The following TMEM232 variants were observed in gnomAD, a reference collection of about 807,000 sequenced individuals.
TMEM232 encodes transmembrane protein 232.
In TMEM232, 80 loss-of-function variants were observed where a neutral mutation model predicts 78.8. That is an observed-to-expected ratio of 1.01 (90% CI 0.85 to 1.22). The LOEUF is 1.22. Ranked by LOEUF, TMEM232 falls within the 50% of genes most tolerant of loss-of-function variation. TMEM232 has a pLI of 0.00. For synonymous variants in TMEM232, 297 were observed against 254.3 expected (o/e 1.17, Z -1.60); for missense variants, 881 against 742.2 (o/e 1.19, Z -2.17).
intron 4 of TMEM232, among the ~76,000 whole-genome samples, chr5:110,638,595 T>C (rs897783583): frequency 1.8e-4 from 27 of 152,188 alleles, no homozygotes; most frequent in Admixed American, 1.3e-3. Context: ...AATGACACTA[T>C]GTGACTTCTA....
At chr5:110,672,703 T>C (rs1791521746) in intron 1 of TMEM232, among the ~76,000 whole-genome samples, 1 of 152,102 alleles carries the variant, frequency 6.6e-6, no homozygotes, top group South Asian at 2.1e-4. Flanking sequence ...ACATAGAGAA[T>C]CTGAAAATGT....
intron 11 of TMEM232, among the ~76,000 whole-genome samples, chr5:110,552,169 G>T (rs1259288086): frequency 1.3e-5 from 2 of 152,018 alleles, no homozygotes; most frequent in Non-Finnish European, 2.9e-5. Flanking sequence ...TAAAGTTCCA[G>T]AATTTTCAAG....
At chr5:110,607,569 C>T (rs534204034) in intron 8 of TMEM232, among the ~76,000 whole-genome samples, 3 of 151,996 alleles carry the variant, frequency 2.0e-5, no homozygotes, top group Non-Finnish European at 4.4e-5. Flanking sequence ...TATACATTTG[C>T]CCAAGGTCAT....
At chr5:110,734,364 C>A (rs929518203) in intron 2 of TMEM232, among the ~76,000 whole-genome samples, 4 of 152,296 alleles carry the variant, frequency 2.6e-5, no homozygotes, top group Non-Finnish European at 4.4e-5. Flanking sequence ...GGCAAGCCAA[C>A]TGAGCAAAGC....
chr5:110,467,366 G>A (rs780116286), intron 12 of TMEM232, among the ~76,000 whole-genome samples: 1 of 152,204 alleles, frequency 6.6e-6, no homozygotes, highest in Non-Finnish European at 1.5e-5. Flanking sequence ...AATTAGGAGA[G>A]ATGGTGGTGT....
At chr5:110,699,081 C>A (rs933972290) in intron 1 of TMEM232, among the ~76,000 whole-genome samples, 29 of 147,304 alleles carry the variant, frequency 2.0e-4, no homozygotes, top group Non-Finnish European at 3.8e-4. Context: ...AAAACAAAAA[C>A]AAACAAACAA....
At chr5:110,455,497 C>G (rs1212373267) in intron 12 of TMEM232, among the ~76,000 whole-genome samples, 1 of 151,964 alleles carries the variant, frequency 6.6e-6, no homozygotes, top group Admixed American at 6.6e-5. Flanking sequence ...CCTGCCTCAG[C>G]CTCCCGAGTA....
chr5:110,572,341 T>C (rs894911615), intron 10 of TMEM232, among the ~76,000 whole-genome samples: 7 of 152,010 alleles, frequency 4.6e-5, no homozygotes, highest in Non-Finnish European at 1.0e-4. Context: ...GAAGTCAATA[T>C]AAGTAAGGAA....
At chr5:110,634,868 G>C (rs1785592810) in intron 5 of TMEM232, among the ~76,000 whole-genome samples, 1 of 151,486 alleles carries the variant, frequency 6.6e-6, no homozygotes, top group East Asian at 1.9e-4. Context: ...AAATGAAATT[G>C]AGACTAAAAA....
At chr5:110,738,782 A>AT, upstream of TMEM232, 2 of 389,914 alleles carry the variant, frequency 5.1e-6, no homozygotes, top group South Asian at 6.7e-5. Context: ...AACTCCTCCC[A>AT]TGCAGGCCCT....
chr5:110,491,993 A>T (rs1012142748), intron 12 of TMEM232, among the ~76,000 whole-genome samples: 1 of 151,976 alleles, frequency 6.6e-6, no homozygotes, highest in Admixed American at 6.6e-5. Flanking sequence ...TAATATTCCT[A>T]TTAACTAAAA....
intron 11 of TMEM232, among the ~76,000 whole-genome samples, chr5:110,556,596 C>T (rs1775121179): frequency 6.6e-6 from 1 of 152,058 alleles, no homozygotes; most frequent in African/African-American, 2.4e-5. Context: ...GCATTGTTGC[C>T]CAGGCTGGTC....
At chr5:110,633,358 A>G (rs373993858) in intron 5 of TMEM232, among the ~76,000 whole-genome samples, 34 of 152,302 alleles carry the variant, frequency 2.2e-4, no homozygotes, top group African/African-American at 7.9e-4. Context: ...TGGTACCACA[A>G]CAGAAAATTA....
At chr5:110,703,067 G>A (rs1016228843) in intron 1 of TMEM232, among the ~76,000 whole-genome samples, 4 of 151,968 alleles carry the variant, frequency 2.6e-5, no homozygotes, top group African/African-American at 4.8e-5. Flanking sequence ...TTGACTCTCC[G>A]GAGGGTAAAG....
At position 110,643,300 on chromosome 5, in the gene TMEM232, G is replaced by C. The variant is rs540421116; in HGVS notation, c.126-929C>G. On this transcript the variant is annotated intron_variant, in intron 2 of 13. Transcript: ENST00000455884. Reference sequence around the variant, plus strand: ...GATCATGGCCATCCAAGTGGAGATGGAGTGTAAGCAGTTGGATATATGAGT... The same window carrying C: ...GATCATGGCCATCCAAGTGGAGATGCAGTGTAAGCAGTTGGATATATGAGT... Among the ~76,000 whole-genome samples, 469 of 152,118 alleles carry C rather than the reference G, an allele frequency of 3.1e-3. 3 individuals are homozygous for C. Among genetic ancestry groups the C allele is most frequent in the African/African-American group, 0.011 (446 of 41,526 alleles).
intron 11 of TMEM232, among the ~76,000 whole-genome samples, chr5:110,542,433 T>C (rs1773250877): frequency 6.6e-6 from 1 of 152,040 alleles, no homozygotes; most frequent in Non-Finnish European, 1.5e-5. Flanking sequence ...CCATCAAGCT[T>C]CAGATTATCA....
At chr5:110,720,613 T>TAACTCTTCA (rs1368270919) in intron 1 of TMEM232, 2 of 152,184 alleles carry the variant, frequency 1.3e-5, no homozygotes, top group African/African-American at 4.8e-5. Flanking sequence ...GTTATTTTGA[T>TAACTCTTCA]GCCAGCCTTC....
chr5:110,414,966 T>C (rs1330490164), downstream of TMEM232, among the ~76,000 whole-genome samples: 1 of 152,170 alleles, frequency 6.6e-6, no homozygotes, highest in Non-Finnish European at 1.5e-5. Context: ...TATCATTTGC[T>C]TCTTTGCTTC....
intron 13 of TMEM232, among the ~76,000 whole-genome samples, chr5:110,423,197 G>C (rs311690): frequency 0.036 from 5,412 of 152,214 alleles, 182 homozygotes; most frequent in African/African-American, 0.08. Context: ...CATAAGCCAA[G>C]AACTTCAGCA....
Sources: gnomAD v4.1 joint callset for allele counts (sites outside exome capture counted in the v4.1 genomes callset) on GRCh38, gnomAD v4.1.1 for gene constraint, MANE v1.5 for transcripts, NCBI Gene and HGNC (gene_info 2026-07-23, HGNC 2026-07-21) for gene names.